RIC3: variants seen among roughly 807,000 people sequenced by gnomAD.
The protein encoded by RIC3 is protein RIC-3.
In RIC3, 28 loss-of-function variants were observed where a neutral mutation model predicts 27.3. The ratio of observed to expected loss-of-function variants is 1.02; its 90% CI spans 0.76 to 1.41. The LOEUF (loss-of-function observed/expected upper bound fraction) is 1.41, where lower values mean the gene tolerates loss of function less well. Among genes scored for constraint, RIC3 ranks in the 40% most tolerant of loss-of-function variants. The pLI, the probability that RIC3 is intolerant of heterozygous loss-of-function variation, is 0.00. For missense variants in RIC3, 501 were observed against 444.7 expected (o/e 1.13, Z -1.14); for synonymous variants, 184 against 160.4 (o/e 1.15, Z -1.11).
At position 8,118,740 on chromosome 11, in the gene RIC3, G is replaced by A. The variant is rs188827243; in HGVS notation, c.671-7603C>T. Reference sequence around the variant, plus strand: ...AAAAAAATTAGCCAGGAGTGATGGCGGGCACCTGTAGTCCCAGCTACTTAG... The same window carrying A: ...AAAAAAATTAGCCAGGAGTGATGGCAGGCACCTGTAGTCCCAGCTACTTAG... On this transcript the variant is annotated intron_variant, in intron 5 of 5. Coordinates refer to ENST00000309737, the MANE Select transcript of RIC3 (RefSeq NM_001206671.4). Among the ~76,000 whole-genome samples, 150 of 151,420 alleles carry A rather than the reference G, an allele frequency of 9.9e-4. 1 individual carries two copies. The highest frequency in any genetic ancestry group is 3.3e-3 in the African/African-American group (137 of 41,296).
At chr11:8,097,661 T>C in the RIC3 span, 2 of 1,503,892 alleles carry the variant, frequency 1.3e-6, no homozygotes, top group African/African-American at 2.7e-5. Context: ...CTCTCATGAC[T>C]GTGTGCAGAC....
chr11:8,096,639 G>T, the RIC3 span: 1 of 1,329,338 alleles, frequency 7.5e-7, no homozygotes, highest in Non-Finnish European at 1.1e-6. Context: ...CAGGGGCAGC[G>T]TAGACTTCTC....
At chr11:8,149,999 T>C (rs938698035) in intron 1 of RIC3, among the ~76,000 whole-genome samples, 2 of 152,222 alleles carry the variant, frequency 1.3e-5, no homozygotes, top group Admixed American at 6.5e-5. Flanking sequence ...GTCAGAGGGC[T>C]GAAAACTCCA....
At chr11:8,146,519 C>T (rs73411627) in intron 1 of RIC3, among the ~76,000 whole-genome samples, 5,360 of 150,352 alleles carry the variant, frequency 0.036, 119 homozygotes, top group South Asian at 0.081. Context: ...TTTAAGTTGT[C>T]GATGAAGAGT....
intron 4 of RIC3, among the ~76,000 whole-genome samples, chr11:8,132,353 A>C (rs1320036900): frequency 1.3e-5 from 2 of 152,238 alleles, no homozygotes; most frequent in Non-Finnish European, 2.9e-5. Context: ...TCTAAAGCAC[A>C]GCAAATCGTT....
chr11:8,122,808 A>G (rs556184937), intron 5 of RIC3, among the ~76,000 whole-genome samples: 3 of 143,658 alleles, frequency 2.1e-5, no homozygotes, highest in African/African-American at 7.8e-5. Flanking sequence ...AAAATCCAGC[A>G]CCTAACAATG....
chr11:8,159,588 C>T (rs1204785245), intron 1 of RIC3, among the ~76,000 whole-genome samples: 1 of 152,134 alleles, frequency 6.6e-6, no homozygotes, highest in African/African-American at 2.4e-5. Context: ...ACCAAATAAC[C>T]AACTGGTTGA....
chr11:8,158,271 G>A (rs1368319636), intron 1 of RIC3, among the ~76,000 whole-genome samples: 1 of 152,104 alleles, frequency 6.6e-6, no homozygotes, highest in Admixed American at 6.5e-5. Flanking sequence ...CGTGACAAAG[G>A]GTCTGTGCTA....
intron 1 of RIC3, among the ~76,000 whole-genome samples, chr11:8,143,371 T>G (rs916169636): frequency 4.0e-5 from 6 of 151,346 alleles, no homozygotes; most frequent in Non-Finnish European, 7.4e-5. Flanking sequence ...ACAAGCATTC[T>G]TATACACCAA....
At chr11:8,101,817 G>A, downstream of RIC3, 1 of 864,978 alleles carries the variant, frequency 1.2e-6, no homozygotes, top group South Asian at 1.8e-5. Context: ...GTGGAGAGCG[G>A]GTGGGTGGGT....
downstream of RIC3, chr11:8,103,897 C>G (rs561378008): frequency 6.6e-6 from 1 of 152,358 alleles, no homozygotes; most frequent in Admixed American, 6.5e-5. Flanking sequence ...TTGGCCTCTG[C>G]TTTCTCCTGT....
intron 4 of RIC3, among the ~76,000 whole-genome samples, chr11:8,128,552 T>A (rs1311928813): frequency 6.6e-6 from 1 of 152,138 alleles, no homozygotes; most frequent in African/African-American, 2.4e-5. Context: ...TTCCTTATCA[T>A]CTCAACTTGG....
At chr11:8,127,250 A>G (rs909727148) in intron 4 of RIC3, among the ~76,000 whole-genome samples, 3 of 152,216 alleles carry the variant, frequency 2.0e-5, no homozygotes, top group Non-Finnish European at 4.4e-5. Flanking sequence ...CAACCGGGGA[A>G]AATTTATGCT....
At chr11:8,141,536 G>T (rs1242957171) in intron 1 of RIC3, among the ~76,000 whole-genome samples, 1 of 151,400 alleles carries the variant, frequency 6.6e-6, no homozygotes, top group Non-Finnish European at 1.5e-5. Flanking sequence ...AGCAAGTCCT[G>T]AGTGACCTAC....
chr11:8,094,200 A>T, the RIC3 span: 1 of 1,607,132 alleles, frequency 6.2e-7, no homozygotes, highest in Non-Finnish European at 8.5e-7. Flanking sequence ...GTCAGCTCAC[A>T]TTCTCTACAG....
intron 5 of RIC3, among the ~76,000 whole-genome samples, chr11:8,115,697 C>T (rs920418195): frequency 1.3e-5 from 2 of 152,058 alleles, no homozygotes; most frequent in Non-Finnish European, 2.9e-5. Flanking sequence ...ATCCCAGCTA[C>T]TTGGGAGGCT....
downstream of RIC3, chr11:8,103,873 AC>A (rs1264545665): frequency 2.0e-5 from 3 of 152,336 alleles, no homozygotes; most frequent in African/African-American, 7.2e-5. Flanking sequence ...AATCAGAAGC[AC>A]AAAGGAAAAC....
chr11:8,151,572 T>G (rs1590333276), intron 1 of RIC3, among the ~76,000 whole-genome samples: 11 of 56,546 alleles, frequency 1.9e-4, no homozygotes, highest in African/African-American at 5.3e-4. Flanking sequence ...GGCGACAGAG[T>G]GAAACTCCGT....
chr11:8,162,390 T>C (rs904786797), intron 1 of RIC3, among the ~76,000 whole-genome samples: 6 of 152,232 alleles, frequency 3.9e-5, no homozygotes, highest in Non-Finnish European at 5.9e-5. Context: ...ACTACAACAA[T>C]CTTCTCCCTG....
Sources: gnomAD v4.1 joint callset for allele counts (sites outside exome capture counted in the v4.1 genomes callset) on GRCh38, gnomAD v4.1.1 for gene constraint, MANE v1.5 for transcripts, NCBI Gene and HGNC (gene_info 2026-07-23, HGNC 2026-07-21) for gene names.